The following ASPRV1 variants were observed in gnomAD, a reference collection of about 807,000 sequenced individuals.
ASPRV1 encodes the protein retroviral-like aspartic protease 1.
Under a neutral mutation model 11.0 loss-of-function variants are expected in ASPRV1, and 7 were observed. That is an observed-to-expected ratio of 0.64 (90% CI 0.36 to 1.20). The LOEUF (loss-of-function observed/expected upper bound fraction) is 1.20. ASPRV1 is among the 50% of genes most tolerant of loss of function. ASPRV1 has a pLI of 0.02. For missense variants in ASPRV1, 299 were observed against 320.0 expected, an observed-to-expected ratio of 0.93 and a Z score of 0.50; for synonymous variants, 136 against 138.4, an observed-to-expected ratio of 0.98 and a Z score of 0.12.
At chr2:70,022,364 C>CTT in the ASPRV1 span, among the ~76,000 whole-genome samples, 77 of 38,144 alleles carry the variant, frequency 2.0e-3, no homozygotes, top group African/African-American at 0.019. Context: ...CACACACTTA[C>CTT]ACACACACAC....
upstream of ASPRV1, chr2:69,964,312 C>T: frequency 2.2e-6 from 1 of 454,870 alleles, no homozygotes; most frequent in South Asian, 1.6e-5. Flanking sequence ...CTGTGTCTGT[C>T]CATACAGTTC....
At chr2:69,997,081 G>A in the ASPRV1 span, among the ~76,000 whole-genome samples, 1 of 151,798 alleles carries the variant, frequency 6.6e-6, no homozygotes, top group Admixed American at 6.6e-5. Flanking sequence ...AACACTTTGA[G>A]AAGTTAAGGC....
At chr2:69,992,353 C>T in the ASPRV1 span, among the ~76,000 whole-genome samples, 8 of 152,198 alleles carry the variant, frequency 5.3e-5, no homozygotes, top group African/African-American at 1.7e-4. Flanking sequence ...CCTTTACAAT[C>T]GTTGCTAATT....
At chr2:69,938,585 CTT>C in the ASPRV1 span, 1 of 282,366 alleles carries the variant, frequency 3.5e-6, no homozygotes, top group South Asian at 4.6e-5. Flanking sequence ...CAATCCCCCT[CTT>C]TGCTCTCCTC....
At chr2:70,020,214 A>G in the ASPRV1 span, among the ~76,000 whole-genome samples, 3 of 152,206 alleles carry the variant, frequency 2.0e-5, no homozygotes, top group Non-Finnish European at 4.4e-5. Context: ...TATAATTACC[A>G]TATGATCTAG....
At chr2:70,066,429 G>C in the ASPRV1 span, among the ~76,000 whole-genome samples, 1 of 151,512 alleles carries the variant, frequency 6.6e-6, no homozygotes, top group African/African-American at 2.4e-5. Context: ...AGTAGAGATG[G>C]GGTTTCACCA....
At chr2:70,086,029 G>A in the ASPRV1 span, 2 of 152,188 alleles carry the variant, frequency 1.3e-5, no homozygotes, top group African/African-American at 4.8e-5. Flanking sequence ...GCTTTAAAAA[G>A]GCGAGAGATT....
the ASPRV1 span, among the ~76,000 whole-genome samples, chr2:70,038,062 G>T: frequency 1.3e-5 from 2 of 152,178 alleles, no homozygotes; most frequent in African/African-American, 2.4e-5. Context: ...CAGGTTTTGT[G>T]AAGGTTGCTG....
the ASPRV1 span, among the ~76,000 whole-genome samples, chr2:70,036,598 CAAAAA>C: frequency 6.6e-6 from 1 of 151,348 alleles, no homozygotes; most frequent in African/African-American, 2.4e-5. Flanking sequence ...AAACAAAAAA[CAAAAA>C]AAAGTAATAA....
At chr2:69,961,817 A>G (rs1558581726), upstream of ASPRV1, 6 of 1,051,740 alleles carry the variant, frequency 5.7e-6, no homozygotes, top group Non-Finnish European at 8.4e-6. Flanking sequence ...CCACATCCCA[A>G]GAAAGGCCAG....
At chr2:69,984,417 G>A in the ASPRV1 span, among the ~76,000 whole-genome samples, 1 of 152,170 alleles carries the variant, frequency 6.6e-6, no homozygotes, top group East Asian at 1.9e-4. Flanking sequence ...CCTGAGCTAT[G>A]GTAATAATAA....
At chr2:70,018,003 C>T in the ASPRV1 span, 1 of 151,724 alleles carries the variant, frequency 6.6e-6, no homozygotes, top group South Asian at 2.1e-4. Flanking sequence ...AGCCAGGTGT[C>T]ATAGTGCGTA....
the ASPRV1 span, chr2:70,031,941 A>G: frequency 6.6e-6 from 1 of 152,200 alleles, no homozygotes; most frequent in African/African-American, 2.4e-5. Context: ...CCTGGAAAAG[A>G]AATGAGGTCA....
At chr2:70,052,757 C>T in the ASPRV1 span, among the ~76,000 whole-genome samples, 4 of 152,282 alleles carry the variant, frequency 2.6e-5, no homozygotes, top group East Asian at 1.9e-4. Flanking sequence ...TATTTCAATA[C>T]ATAGGAAACA....
chr2:70,072,317 CTG>C, the ASPRV1 span, among the ~76,000 whole-genome samples: 1 of 152,128 alleles, frequency 6.6e-6, no homozygotes, highest in Non-Finnish European at 1.5e-5. Context: ...ACTCAGAAGA[CTG>C]AGGCAGGGGG....
the ASPRV1 span, chr2:70,054,306 A>AGGT: frequency 8.4e-6 from 1 of 119,596 alleles, no homozygotes; most frequent in Non-Finnish European, 1.8e-5. Flanking sequence ...AATAAAAAAT[A>AGGT]GGTGGGCGCG....
At chr2:70,052,155 C>T in the ASPRV1 span, among the ~76,000 whole-genome samples, 1 of 151,720 alleles carries the variant, frequency 6.6e-6, no homozygotes, top group South Asian at 2.1e-4. Context: ...ATGCTAAATG[C>T]TATAGAGAAA....
At chr2:70,004,803 C>G in the ASPRV1 span, among the ~76,000 whole-genome samples, 1 of 152,226 alleles carries the variant, frequency 6.6e-6, no homozygotes, top group East Asian at 1.9e-4. Flanking sequence ...TGGTTCCAGG[C>G]ACTTGAACCA....
At chr2:70,043,309 T>C in the ASPRV1 span, among the ~76,000 whole-genome samples, 4 of 152,020 alleles carry the variant, frequency 2.6e-5, no homozygotes, top group Non-Finnish European at 4.4e-5. Flanking sequence ...TCCCAGCTAC[T>C]TGGGACGCTA....
Sources: gnomAD v4.1 joint callset for allele counts (sites outside exome capture counted in the v4.1 genomes callset) on GRCh38, gnomAD v4.1.1 for gene constraint, MANE v1.5 for transcripts, NCBI Gene and HGNC (gene_info 2026-07-23, HGNC 2026-07-21) for gene names.